Variants in CNTNAP2 observed in about 807,000 individuals in gnomAD.
CNTNAP2 encodes the protein contactin associated protein 2.
In CNTNAP2, 98 loss-of-function variants were observed where a neutral mutation model predicts 155.2. That is an observed-to-expected ratio of 0.63 (90% CI 0.54 to 0.75). The LOEUF is 0.75. Ranked by LOEUF, CNTNAP2 falls within the 30% of genes least tolerant of loss-of-function variation. The pLI is 0.00. For missense variants in CNTNAP2, 1,727 were observed against 1,688.1 expected, an observed-to-expected ratio of 1.02 and a Z score of -0.40; for synonymous variants, 651 against 631.2, an observed-to-expected ratio of 1.03 and a Z score of -0.47.
chr7:146,317,360 G>A (rs1454185670), intron 1 of CNTNAP2, among the ~76,000 whole-genome samples: 1 of 152,138 alleles, frequency 6.6e-6, no homozygotes, highest in Non-Finnish European at 1.5e-5. Flanking sequence ...GAGAATCTTT[G>A]TATAATTTGA....
chr7:147,066,695 A>G (rs1219702398), intron 4 of CNTNAP2, among the ~76,000 whole-genome samples: 1 of 152,196 alleles, frequency 6.6e-6, no homozygotes, highest in Non-Finnish European at 1.5e-5. Flanking sequence ...TGTTGGCATC[A>G]GTAATTAAAC....
chr7:147,213,413 T>C (rs772696278), intron 8 of CNTNAP2, among the ~76,000 whole-genome samples: 5 of 152,136 alleles, frequency 3.3e-5, no homozygotes, highest in Admixed American at 2.6e-4. Flanking sequence ...AACCTCACTT[T>C]AGGCATCTCT....
chr7:147,977,486 T>C (rs143344152), intron 14 of CNTNAP2, among the ~76,000 whole-genome samples: 2 of 152,318 alleles, frequency 1.3e-5, no homozygotes, highest in African/African-American at 2.4e-5. Flanking sequence ...GTTTCACATA[T>C]TATTCAAGCG....
intron 15 of CNTNAP2, among the ~76,000 whole-genome samples, chr7:147,990,938 G>T: frequency 6.6e-6 from 1 of 152,090 alleles, no homozygotes; most frequent in East Asian, 1.9e-4. Context: ...GAAGCTCAAA[G>T]CCTCAACCCT....
At chr7:148,107,843 G>A (rs534092369) in intron 15 of CNTNAP2, among the ~76,000 whole-genome samples, 49 of 152,180 alleles carry the variant, frequency 3.2e-4, no homozygotes, top group Non-Finnish European at 6.8e-4. Flanking sequence ...GAAGGTGTTT[G>A]CCATTTACAG....
chr7:148,329,596 G>A (rs1585277509), intron 21 of CNTNAP2, among the ~76,000 whole-genome samples: 1 of 152,320 alleles, frequency 6.6e-6, no homozygotes, highest in South Asian at 2.1e-4. Flanking sequence ...TGTGCTATTA[G>A]CAACCAAGGG....
At chr7:147,712,730 A>G (rs1057257387) in intron 13 of CNTNAP2, among the ~76,000 whole-genome samples, 1 of 151,972 alleles carries the variant, frequency 6.6e-6, no homozygotes, top group African/African-American at 2.4e-5. Context: ...AACATCACAC[A>G]CCGGGGCCTG....
At chr7:147,402,159 G>A (rs566229237) in intron 10 of CNTNAP2, among the ~76,000 whole-genome samples, 1 of 152,308 alleles carries the variant, frequency 6.6e-6, no homozygotes, top group East Asian at 1.9e-4. Flanking sequence ...CAACATGGGA[G>A]TTGATCTCAG....
At chr7:148,173,943 G>A (rs1451277648) in intron 18 of CNTNAP2, among the ~76,000 whole-genome samples, 1 of 152,178 alleles carries the variant, frequency 6.6e-6, no homozygotes, top group African/African-American at 2.4e-5. Flanking sequence ...GTTAAACACA[G>A]TAGCTCACGC....
At chr7:146,878,403 CTGAG>C (rs1795471719) in intron 3 of CNTNAP2, among the ~76,000 whole-genome samples, 1 of 150,830 alleles carries the variant, frequency 6.6e-6, no homozygotes, top group Non-Finnish European at 1.5e-5. Context: ...AGCTGAATTG[CTGAG>C]TAAGACTCTA....
intron 17 of CNTNAP2, among the ~76,000 whole-genome samples, chr7:148,159,899 C>T (rs1191868352): frequency 1.3e-5 from 2 of 152,026 alleles, no homozygotes; most frequent in Non-Finnish European, 2.9e-5. Context: ...ATCTTTGTTC[C>T]TTATGACATT....
Position 147,776,906 on chromosome 7 carries a change from T to C in CNTNAP2, c.2099-126659T>C, listed in dbSNP as rs529765755. The stretch of plus-strand genomic sequence containing the variant: ...TGTTTTCTCTTTTTATTAATGCTTA[T>C]AGTATTCATTTTTATTTTTGTAGTA... On this transcript the variant is annotated intron_variant, in intron 13 of 23. Transcript: ENST00000361727. Among the ~76,000 whole-genome samples, 5 of 152,152 alleles carry C rather than the reference T, an allele frequency of 3.3e-5. No individual in the cohort carries two copies. In the East Asian group the frequency reaches 9.6e-4, roughly 29 times the overall value.
intron 1 of CNTNAP2, among the ~76,000 whole-genome samples, chr7:146,125,889 C>G (rs2116727087): frequency 6.6e-6 from 1 of 152,204 alleles, no homozygotes; most frequent in South Asian, 2.1e-4. Flanking sequence ...AATGAGTGTC[C>G]TTTTCTAGAA....
intron 21 of CNTNAP2, among the ~76,000 whole-genome samples, chr7:148,366,735 G>A (rs934957626): frequency 2.6e-5 from 4 of 152,150 alleles, no homozygotes; most frequent in African/African-American, 9.7e-5. Context: ...TGCAGTTTGT[G>A]ATTTCCAGAT....
chr7:146,678,833 T>G (rs1800449627), intron 1 of CNTNAP2, among the ~76,000 whole-genome samples: 1 of 152,164 alleles, frequency 6.6e-6, no homozygotes, highest in African/African-American at 2.4e-5. Flanking sequence ...ACAGGTAAAG[T>G]AGGTGGAGTA....
chr7:147,273,159 A>G (rs1021047999), intron 8 of CNTNAP2, among the ~76,000 whole-genome samples: 3 of 152,072 alleles, frequency 2.0e-5, no homozygotes, highest in African/African-American at 4.8e-5. Flanking sequence ...ACTGAGGACA[A>G]TCTAAACGGG....
intron 3 of CNTNAP2, among the ~76,000 whole-genome samples, chr7:146,843,871 T>C (rs1456946724): frequency 6.6e-6 from 1 of 152,176 alleles, no homozygotes; most frequent in African/African-American, 2.4e-5. Flanking sequence ...GATGGCTTTT[T>C]GATGGAAAAC....
chr7:146,828,279 A>G (rs1465135588), intron 2 of CNTNAP2, among the ~76,000 whole-genome samples: 1 of 152,098 alleles, frequency 6.6e-6, no homozygotes, highest in Non-Finnish European at 1.5e-5. Flanking sequence ...TGTAAATAAT[A>G]TGCCCCCTAT....
Position 146,287,329 on chromosome 7 carries a change from G to A in CNTNAP2, c.97+170356G>A, listed in dbSNP as rs76110828. On this transcript the variant is annotated intron_variant, in intron 1 of 23. Coordinates refer to ENST00000361727, the MANE Select transcript of CNTNAP2 (RefSeq NM_014141.6). ...CTCTTCAAAGTAGGTGTCCCCACTG[G>A]GACATTAAATTAGCATTGGAAGGCT... Among the ~76,000 whole-genome samples the A allele has an allele frequency of 2.4e-3, 366 of 152,146 alleles. 11 individuals carry two copies. In the East Asian group the frequency reaches 0.065, roughly 27 times the overall value.
Sources: allele counts gnomAD v4.1 joint callset (sites outside exome capture counted in the v4.1 genomes callset), GRCh38; gene constraint gnomAD v4.1.1; transcripts MANE v1.5; gene names NCBI Gene and HGNC (gene_info 2026-07-23, HGNC 2026-07-21).